LPAR1: variants seen among roughly 807,000 people sequenced by gnomAD.
The protein encoded by LPAR1 is LPA receptor 1.
LPAR1 carries 5 observed loss-of-function variants against 23.8 expected under a neutral mutation model. The observed-to-expected ratio is 0.21, with a 90% CI of 0.11 to 0.44. LPAR1 has a LOEUF of 0.44. Among genes scored for constraint, LPAR1 ranks in the 20% least tolerant of loss-of-function variants. The pLI, the probability that LPAR1 is intolerant of heterozygous loss-of-function variation, is 0.99. For synonymous variants in LPAR1, 160 were observed against 164.7 expected, an observed-to-expected ratio of 0.97 and a Z score of 0.22; for missense variants, 311 against 482.8, an observed-to-expected ratio of 0.64 and a Z score of 3.33.
intron 5 of LPAR1, among the ~76,000 whole-genome samples, chr9:110,900,679 A>T (rs1302519313): frequency 2.6e-5 from 4 of 152,224 alleles, no homozygotes; most frequent in Non-Finnish European, 5.9e-5. Flanking sequence ...ATAAAATTAC[A>T]TTTTAAATGC....
chr9:110,985,758 T>C (rs2096767968), intron 2 of LPAR1, among the ~76,000 whole-genome samples: 2 of 152,126 alleles, frequency 1.3e-5, no homozygotes, highest in African/African-American at 2.4e-5. Flanking sequence ...ATTACTATCT[T>C]AGAATAAGTG....
At chr9:110,952,979 A>G (rs922463896) in intron 4 of LPAR1, among the ~76,000 whole-genome samples, 6 of 152,270 alleles carry the variant, frequency 3.9e-5, no homozygotes, top group African/African-American at 1.4e-4. Flanking sequence ...AACTGCCACT[A>G]TCACCTCAGT....
At chr9:110,906,058 A>G (rs1408062646) in intron 5 of LPAR1, among the ~76,000 whole-genome samples, 1 of 152,240 alleles carries the variant, frequency 6.6e-6, no homozygotes, top group Non-Finnish European at 1.5e-5. Flanking sequence ...ATAGGTAGCA[A>G]TGGATTTGGA....
chr9:110,926,468 T>C (rs2094040507), intron 5 of LPAR1, among the ~76,000 whole-genome samples: 1 of 152,208 alleles, frequency 6.6e-6, no homozygotes, highest in Non-Finnish European at 1.5e-5. Flanking sequence ...TATAAAATCA[T>C]ATGCCTACTT....
chr9:110,904,465 AG>A (rs1406471158), intron 5 of LPAR1, among the ~76,000 whole-genome samples: 1 of 152,234 alleles, frequency 6.6e-6, no homozygotes, highest in African/African-American at 2.4e-5. Context: ...AGCAACCAAA[AG>A]GAAAACTATT....
chr9:110,881,310 G>A (rs2080761608), intron 5 of LPAR1, among the ~76,000 whole-genome samples: 1 of 152,122 alleles, frequency 6.6e-6, no homozygotes, highest in South Asian at 2.1e-4. Flanking sequence ...TCACTCTTGA[G>A]AGCAACATTT....
At chr9:110,900,003 A>C (rs2133782177) in intron 5 of LPAR1, among the ~76,000 whole-genome samples, 1 of 152,340 alleles carries the variant, frequency 6.6e-6, no homozygotes, top group East Asian at 1.9e-4. Flanking sequence ...TTTTACATAA[A>C]AAGTTATATG....
At chr9:110,944,894 A>T (rs1184478055) in intron 4 of LPAR1, among the ~76,000 whole-genome samples, 7 of 152,330 alleles carry the variant, frequency 4.6e-5, no homozygotes, top group Middle Eastern at 3.4e-3. Context: ...CTTATACATA[A>T]GGTCTAGTTC....
intron 2 of LPAR1, among the ~76,000 whole-genome samples, chr9:111,026,429 G>A (rs1444915490): frequency 6.6e-6 from 1 of 152,196 alleles, no homozygotes; most frequent in Non-Finnish European, 1.5e-5. Context: ...GATTTTGGCT[G>A]AGACGACAGG....
intron 5 of LPAR1, among the ~76,000 whole-genome samples, chr9:110,925,911 C>T (rs2093987267): frequency 6.6e-6 from 1 of 151,962 alleles, no homozygotes; most frequent in African/African-American, 2.4e-5. Flanking sequence ...GTCATCAGAA[C>T]TGGTTTTTTT....
intron 2 of LPAR1, among the ~76,000 whole-genome samples, chr9:111,018,970 T>A (rs553780141): frequency 6.2e-4 from 95 of 152,198 alleles, no homozygotes; most frequent in Admixed American, 1.6e-3. Flanking sequence ...TATATAACAG[T>A]GTGTTAAAAA....
At chr9:110,991,997 G>T (rs1175351193) in intron 2 of LPAR1, among the ~76,000 whole-genome samples, 2 of 149,016 alleles carry the variant, frequency 1.3e-5, no homozygotes, top group African/African-American at 4.9e-5. Flanking sequence ...TTAAAAGCTT[G>T]TTTTTTTTTT....
chr9:110,894,716 CTTAAAA>C (rs1451354503), intron 5 of LPAR1, among the ~76,000 whole-genome samples: 2 of 151,970 alleles, frequency 1.3e-5, no homozygotes, highest in African/African-American at 2.4e-5. Context: ...CCTCTTTTTG[CTTAAAA>C]TTAAAAATAA....
chr9:110,876,254 A>G (rs757723369), intron 5 of LPAR1, among the ~76,000 whole-genome samples: 1 of 152,240 alleles, frequency 6.6e-6, no homozygotes. Flanking sequence ...GATTATATTT[A>G]CACCTCATAA....
At chr9:110,916,446 C>T (rs1047785552) in intron 5 of LPAR1, among the ~76,000 whole-genome samples, 3 of 152,114 alleles carry the variant, frequency 2.0e-5, no homozygotes, top group Non-Finnish European at 4.4e-5. Context: ...ACTTTTGTAA[C>T]CTTACTTAAA....
At chr9:110,973,637 C>A (rs960098352) in intron 2 of LPAR1, 79 bp from the exon 3 acceptor site, 1 of 152,082 alleles carries the variant, frequency 6.6e-6, no homozygotes, top group Non-Finnish European at 1.5e-5. Flanking sequence ...AAAGTATAAC[C>A]AAATCTCTTA....
intron 5 of LPAR1, among the ~76,000 whole-genome samples, chr9:110,936,068 T>C (rs1325378813): frequency 3.3e-5 from 5 of 152,286 alleles, no homozygotes; most frequent in Admixed American, 6.5e-5. Context: ...CAGCTCAAGA[T>C]TGCCTCCTCT....
In LPAR1 at chr9:110,948,914, A is replaced by G. The variant is rs542209192; in HGVS notation, c.46-6746T>C. ...CGTATTGGTAAGTGTGTAGATCAAG[A>G]AAAAAAAAAAAAAAGATATCCCTAC... On this transcript the variant is annotated intron_variant, in intron 4 of 5. Coordinates refer to ENST00000683809, the MANE Select transcript of LPAR1 (RefSeq NM_001351411.2). 2.7e-4 allele frequency among the ~76,000 whole-genome samples: 30 copies of G among 109,844 alleles called. No individual in the cohort carries two copies. The South Asian group carries it at 7.1e-3, about 26-fold the overall frequency. 72.1% of individuals were successfully genotyped at this position (109,844 alleles called of 152,430 possible). A position where few individuals can be genotyped will look rare whatever the true frequency, so the allele number is the denominator to read the frequency against.
At chr9:111,009,998 AATATATATATATATAT>A (rs55696642) in intron 2 of LPAR1, among the ~76,000 whole-genome samples, 4,866 of 123,286 alleles carry the variant, frequency 0.039, 186 homozygotes, top group African/African-American at 0.079. Context: ...TAATTAGGAA[AATATATATATATATAT>A]ATATATATAT....
Sources: gnomAD v4.1 joint callset for allele counts (sites outside exome capture counted in the v4.1 genomes callset) on GRCh38, gnomAD v4.1.1 for gene constraint, MANE v1.5 for transcripts, NCBI Gene and HGNC (gene_info 2026-07-23, HGNC 2026-07-21) for gene names.